IRAG2: variants seen among roughly 807,000 people sequenced by gnomAD.
IRAG2 encodes the protein inositol 1,4,5-triphosphate receptor associated 2.
IRAG2 carries 45 observed loss-of-function variants against 69.9 expected under a neutral mutation model. The observed-to-expected ratio is 0.64, with a 90% CI of 0.51 to 0.83. IRAG2 has a LOEUF of 0.83. Ranked by LOEUF, IRAG2 falls within the 40% of genes least tolerant of loss-of-function variation. The pLI, the probability that IRAG2 is intolerant of heterozygous loss-of-function variation, is 0.00. For synonymous variants in IRAG2, 193 were observed against 202.4 expected (o/e 0.95, Z 0.40); for missense variants, 520 against 587.0 (o/e 0.89, Z 1.18).
intron 9 of IRAG2, among the ~76,000 whole-genome samples, chr12:25,080,880 G>T (rs541322467): frequency 6.6e-6 from 1 of 152,260 alleles, no homozygotes; most frequent in South Asian, 2.1e-4. Context: ...ATTACACTCT[G>T]TTGGTAAAGT....
At chr12:25,043,794 T>C (rs1320934658) in intron 16 of IRAG2, among the ~76,000 whole-genome samples, 1 of 152,192 alleles carries the variant, frequency 6.6e-6, no homozygotes, top group Non-Finnish European at 1.5e-5. Context: ...GGCTATTTTT[T>C]CTAATGCATA....
chr12:25,031,087 G>A (rs1308182591), intron 10 of IRAG2: 1 of 984,220 alleles, frequency 1.0e-6, no homozygotes, highest in Non-Finnish European at 1.2e-6. Flanking sequence ...ATCTTCCACA[G>A]TCCAAAACAG....
chr12:25,046,419 C>A (rs1216593191), intron 16 of IRAG2, among the ~76,000 whole-genome samples: 1 of 151,910 alleles, frequency 6.6e-6, no homozygotes, highest in African/African-American at 2.4e-5. Flanking sequence ...ATGATCTCTG[C>A]AGATAACATG....
chr12:25,077,286 G>GAAAT (rs56891228), intron 6 of IRAG2, among the ~76,000 whole-genome samples: 228 of 19,074 alleles, frequency 0.012, 7 homozygotes, highest in Non-Finnish European at 0.023. Context: ...AAATATATAT[G>GAAAT]ATATATATAT....
chr12:25,026,320 G>A (rs1229896467), intron 8 of IRAG2, among the ~76,000 whole-genome samples: 2 of 152,286 alleles, frequency 1.3e-5, no homozygotes, highest in Non-Finnish European at 1.5e-5. Context: ...GTGCTGGTGT[G>A]GAGTGGGTGG....
At chr12:25,053,001 C>T in intron 1 of IRAG2, 45 bp downstream of exon 1, 1 of 398,384 alleles carries the variant, frequency 2.5e-6, no homozygotes, top group Non-Finnish European at 4.4e-6. Flanking sequence ...TGTCCACCCT[C>T]AGGCGGGGCA....
chr12:25,074,071 G>A (rs1946508644), intron 6 of IRAG2, among the ~76,000 whole-genome samples: 1 of 152,232 alleles, frequency 6.6e-6, no homozygotes, highest in Non-Finnish European at 1.5e-5. Context: ...CTTATTAGCT[G>A]TGTGAACTTG....
intron 7 of IRAG2, chr12:25,020,980 C>T (rs888111079): frequency 3.1e-5 from 22 of 705,194 alleles, no homozygotes; most frequent in South Asian, 2.9e-4. Flanking sequence ...AGGACTTATC[C>T]GGTGGAACAT....
intron 6 of IRAG2, among the ~76,000 whole-genome samples, chr12:25,077,253 GATATATATATGAA>G (rs1946787678): frequency 3.1e-4 from 7 of 22,912 alleles, no homozygotes; most frequent in African/African-American, 1.0e-3. Flanking sequence ...ATATATATAT[GATATATATATGAA>G]ATATATATGA....
chr12:25,003,405 T>G (rs540394825), upstream of IRAG2, among the ~76,000 whole-genome samples: 4 of 152,254 alleles, frequency 2.6e-5, no homozygotes, highest in African/African-American at 7.2e-5. Flanking sequence ...GGAGTACCTG[T>G]GGTGACACCT....
At chr12:25,058,607 T>C (rs1204056512) in intron 1 of IRAG2, among the ~76,000 whole-genome samples, 1 of 152,196 alleles carries the variant, frequency 6.6e-6, no homozygotes, top group Admixed American at 6.5e-5. Context: ...TCATCCATCA[T>C]TGATAGCTAA....
chr12:25,089,889 G>T (rs1010173200), intron 13 of IRAG2, 99 bp downstream of exon 13: 69 of 1,359,512 alleles, frequency 5.1e-5, no homozygotes, highest in South Asian at 4.2e-4. Context: ...TATGCTCGGT[G>T]TCTGTTTGGC....
chr12:25,087,356 C>T lies in IRAG2; in HGVS notation c.316-744C>T, dbSNP rs531001664. On this transcript the variant is annotated intron_variant, in intron 10 of 21. Coordinates refer to ENST00000556887, the MANE Select transcript of IRAG2 (RefSeq NM_001366544.2). ...CTAATTTTTGTATTTTTAGTAGAGACGGGGTTTTGCCATGTTGGCCAGGCT... is the reference window on the plus strand; with the variant it reads ...CTAATTTTTGTATTTTTAGTAGAGATGGGGTTTTGCCATGTTGGCCAGGCT... Among the ~76,000 whole-genome samples, 28 of 151,612 alleles carry T rather than the reference C, an allele frequency of 1.8e-4. No homozygotes were observed. In the South Asian group the frequency reaches 5.2e-3, roughly 28 times the overall value.
chr12:25,025,044 T>C (rs1944610502), intron 8 of IRAG2, among the ~76,000 whole-genome samples: 1 of 152,224 alleles, frequency 6.6e-6, no homozygotes, highest in African/African-American at 2.4e-5. Context: ...ATGGTTTGGG[T>C]AGTGATTCAC....
intron 6 of IRAG2, among the ~76,000 whole-genome samples, chr12:25,073,337 T>C (rs1212527747): frequency 1.3e-5 from 2 of 152,244 alleles, no homozygotes; most frequent in African/African-American, 4.8e-5. Context: ...TAGGATTATA[T>C]ACAGTAGCTG....
At chr12:25,052,204 C>CTTTTTTTTTTTTTTTTTTTTTTTTTTT (rs10690368), upstream of IRAG2, 1 of 244,716 alleles carries the variant, frequency 4.1e-6, no homozygotes, top group Non-Finnish European at 6.9e-6. Flanking sequence ...GCGGTTTGGA[C>CTTTTTTTTTTTTTTTTTTTTTTTTTTT]TTTTTTTTTT....
Position 25,076,297 on chromosome 12 carries a change from C to G in IRAG2, c.25-2947C>G. On this transcript the variant is annotated intron_variant, in intron 6 of 21. Transcript: ENST00000556887. Reference sequence around the variant, plus strand: ...GTATTAAATGGCTACTAAACATAGGCAATTTCTCCAAAATCACATAATTAT... The same window carrying G: ...GTATTAAATGGCTACTAAACATAGGGAATTTCTCCAAAATCACATAATTAT... The G allele has an allele frequency of 7.2e-6, 4 of 555,588 alleles. No individual in the cohort carries two copies. The South Asian group carries it at 3.2e-4, about 44-fold the overall frequency. The allele number at this position is 555,588 out of a possible 1,614,324, so 34.4% of individuals were successfully genotyped here.
At chr12:25,033,670 G>A (rs1392506476) in intron 12 of IRAG2, 1 of 382,250 alleles carries the variant, frequency 2.6e-6, no homozygotes, top group African/African-American at 2.1e-5. Flanking sequence ...TCACCAGTCT[G>A]TGCAGCTCCT....
chr12:25,087,153 CTTTTTTTTTT>C (rs780510333), intron 10 of IRAG2, among the ~76,000 whole-genome samples: 58 of 76,654 alleles, frequency 7.6e-4, no homozygotes, highest in Middle Eastern at 8.6e-3. Context: ...ACTCTCCTTC[CTTTTTTTTTT>C]TTTTTTTTTT....
Sources: gnomAD v4.1 joint callset for allele counts (sites outside exome capture counted in the v4.1 genomes callset) on GRCh38, gnomAD v4.1.1 for gene constraint, MANE v1.5 for transcripts, NCBI Gene and HGNC (gene_info 2026-07-23, HGNC 2026-07-21) for gene names.